The following MECOM variants were observed in gnomAD, a reference collection of about 807,000 sequenced individuals.
MECOM encodes the protein MDS1 and EVI1 complex locus.
MECOM carries 13 observed loss-of-function variants against 116.3 expected under a neutral mutation model. That is an observed-to-expected ratio of 0.11 (90% CI 0.07 to 0.18). MECOM has a LOEUF of 0.18. Among genes scored for constraint, MECOM ranks in the 10% least tolerant of loss-of-function variants. MECOM has a pLI of 1.00. For missense variants in MECOM, 1,299 were observed against 1,509.0 expected (o/e 0.86, Z 2.31); for synonymous variants, 528 against 535.2 (o/e 0.99, Z 0.19).
At chr3:169,241,014 A>C (rs989707685) in intron 2 of MECOM, among the ~76,000 whole-genome samples, 15 of 152,304 alleles carry the variant, frequency 9.8e-5, no homozygotes, top group Middle Eastern at 3.4e-3. Context: ...AGTAATATAA[A>C]GTGTCTACAT....
chr3:169,274,998 T>C (rs1427800129), intron 2 of MECOM, among the ~76,000 whole-genome samples: 2 of 152,196 alleles, frequency 1.3e-5, no homozygotes, highest in Admixed American at 1.3e-4. Flanking sequence ...GCTCAATCCT[T>C]ATTTAGAAGG....
chr3:169,261,077 ATAAAGT>A (rs1414486903), intron 2 of MECOM, among the ~76,000 whole-genome samples: 1 of 152,182 alleles, frequency 6.6e-6, no homozygotes, highest in Non-Finnish European at 1.5e-5. Flanking sequence ...TGGTTGCATA[ATAAAGT>A]TGCCTCTCAA....
chr3:169,434,732 G>A (rs1378402930), intron 1 of MECOM, among the ~76,000 whole-genome samples: 1 of 152,118 alleles, frequency 6.6e-6, no homozygotes, highest in Non-Finnish European at 1.5e-5. Flanking sequence ...TTTAAGAGAG[G>A]AGATGTTTTT....
At chr3:169,171,352 A>C (rs1426420667) in intron 2 of MECOM, among the ~76,000 whole-genome samples, 2 of 152,024 alleles carry the variant, frequency 1.3e-5, no homozygotes, top group Non-Finnish European at 2.9e-5. Flanking sequence ...TCCACTCTGG[A>C]CTCTCTATTA....
chr3:169,256,591 CAG>C (rs1281865132), intron 2 of MECOM, among the ~76,000 whole-genome samples: 1 of 152,158 alleles, frequency 6.6e-6, no homozygotes, highest in African/African-American at 2.4e-5. Context: ...TTCAATAACA[CAG>C]ATTTCAAGTG....
chr3:169,284,312 C>T lies in MECOM; in HGVS notation c.375+96875G>A, dbSNP rs189307610. Among the ~76,000 whole-genome samples the T allele has an allele frequency of 7.0e-3, 1,070 of 152,284 alleles. 29 individuals are homozygous for T. The highest frequency in any genetic ancestry group is 3.6e-3 in the Non-Finnish European group (246 of 68,026). ...GGGGTCACATTCTAGCAGCCTCCTT[C>T]GTGGTCTTGGGAATCCTGAGCGTTG... On this transcript the variant is annotated intron_variant, in intron 2 of 16. Transcript: ENST00000651503.
At chr3:169,231,904 A>T (rs1317698923) in intron 2 of MECOM, among the ~76,000 whole-genome samples, 1 of 152,158 alleles carries the variant, frequency 6.6e-6, no homozygotes, top group East Asian at 1.9e-4. Flanking sequence ...CAGTGTCCCA[A>T]AGTTTAGCAG....
intron 2 of MECOM, among the ~76,000 whole-genome samples, chr3:169,220,060 C>T (rs1220422258): frequency 6.6e-6 from 1 of 151,800 alleles, no homozygotes; most frequent in Admixed American, 6.6e-5. Flanking sequence ...GGCACGGTGG[C>T]TCATGCCTGC....
At chr3:169,368,835 C>T (rs1729610203) in intron 2 of MECOM, among the ~76,000 whole-genome samples, 1 of 151,686 alleles carries the variant, frequency 6.6e-6, no homozygotes, top group Admixed American at 6.6e-5. Flanking sequence ...GACTTAGTGG[C>T]CAAAGAGGGA....
At chr3:169,454,171 G>A (rs1462685355) in intron 1 of MECOM, among the ~76,000 whole-genome samples, 1 of 152,182 alleles carries the variant, frequency 6.6e-6, no homozygotes, top group Non-Finnish European at 1.5e-5. Context: ...TAAAGGGCTT[G>A]TGCATCATTT....
intron 2 of MECOM, among the ~76,000 whole-genome samples, chr3:169,338,924 T>G (rs1198367447): frequency 6.6e-6 from 1 of 152,140 alleles, no homozygotes; most frequent in Non-Finnish European, 1.5e-5. Context: ...TGTTTTTACA[T>G]TCTCAGAGTA....
At chr3:169,465,882 C>T (rs2108759738) in intron 1 of MECOM, among the ~76,000 whole-genome samples, 1 of 152,276 alleles carries the variant, frequency 6.6e-6, no homozygotes, top group Non-Finnish European at 1.5e-5. Context: ...TGGGCTTTAG[C>T]TCATAATATT....
At chr3:169,238,065 G>A (rs1011793089) in intron 2 of MECOM, among the ~76,000 whole-genome samples, 3 of 150,830 alleles carry the variant, frequency 2.0e-5, no homozygotes, top group African/African-American at 7.3e-5. Flanking sequence ...ATTCCAGCTA[G>A]TCTGGAGGCT....
Position 169,655,115 on chromosome 3 carries a change from C to T in MECOM, c.37+8221G>A, listed in dbSNP as rs543831650. On this transcript the variant is annotated intron_variant, in intron 1 of 16. Transcript: ENST00000651503. ...TTCTCTTAAAAAGTGGAAGACCTGG[C>T]GGCCCTGAACCCCCTTGCCCAAATG... Among the ~76,000 whole-genome samples, 160 of 152,096 alleles carry T rather than the reference C, an allele frequency of 1.1e-3. 1 individual carries two copies. Among genetic ancestry groups the T allele is most frequent in the Non-Finnish European group, 1.9e-3 (130 of 67,982 alleles).
intron 1 of MECOM, among the ~76,000 whole-genome samples, chr3:169,635,711 C>T (rs1772658204): frequency 6.6e-6 from 1 of 152,188 alleles, no homozygotes; most frequent in South Asian, 2.1e-4. Context: ...TGTGCTTCTT[C>T]AAAGGTAACA....
chr3:169,122,776 C>G (rs746661265), intron 5 of MECOM, 49 bp from the exon 6 acceptor site: 1 of 1,586,776 alleles, frequency 6.3e-7, no homozygotes, highest in African/African-American at 1.3e-5. Flanking sequence ...CATTCATAAA[C>G]GGAACAACAT....
intron 14 of MECOM, among the ~76,000 whole-genome samples, 179 bp downstream of exon 14, chr3:169,092,775 AAATT>A (rs1308133000): frequency 6.6e-6 from 1 of 152,316 alleles, no homozygotes; most frequent in East Asian, 1.9e-4. Context: ...TGATGAAATT[AAATT>A]AATTAACACA....
At chr3:169,651,690 C>T (rs1433270350) in intron 1 of MECOM, among the ~76,000 whole-genome samples, 1 of 151,940 alleles carries the variant, frequency 6.6e-6, no homozygotes, top group African/African-American at 2.4e-5. Flanking sequence ...GTGTATACTG[C>T]TCAGATGATG....
intron 2 of MECOM, among the ~76,000 whole-genome samples, chr3:169,265,431 A>G (rs913129432): frequency 6.6e-6 from 1 of 152,236 alleles, no homozygotes; most frequent in Non-Finnish European, 1.5e-5. Flanking sequence ...ATTATTTGCT[A>G]AAGTATGTAC....
Sources: allele counts gnomAD v4.1 joint callset (sites outside exome capture counted in the v4.1 genomes callset), GRCh38; gene constraint gnomAD v4.1.1; transcripts MANE v1.5; gene names NCBI Gene and HGNC (gene_info 2026-07-23, HGNC 2026-07-21).